SMG5: variants seen among roughly 807,000 people sequenced by gnomAD.
SMG5 encodes nonsense-mediated mRNA decay factor SMG5.
SMG5 carries 53 observed loss-of-function variants against 122.9 expected under a neutral mutation model. That is an observed-to-expected ratio of 0.43 (90% confidence interval 0.35 to 0.54). SMG5 has a LOEUF of 0.54. SMG5 is among the 20% of genes least tolerant of loss of function. The pLI, the probability that SMG5 is intolerant of heterozygous loss-of-function variation, is 0.01. For missense variants in SMG5, 1,153 were observed against 1,285.6 expected (o/e 0.90, Z 1.58); for synonymous variants, 477 against 490.2 (o/e 0.97, Z 0.35).
chr1:156,283,488 CAT>C (rs1396453621), upstream of SMG5, among the ~76,000 whole-genome samples: 1 of 152,026 alleles, frequency 6.6e-6, no homozygotes, highest in Non-Finnish European at 1.5e-5. Context: ...GATAAGGACT[CAT>C]AGAAATGAGA....
chr1:156,264,028 G>A (rs934046281), intron 12 of SMG5, among the ~76,000 whole-genome samples: 1 of 152,102 alleles, frequency 6.6e-6, no homozygotes, highest in African/African-American at 2.4e-5. Flanking sequence ...CCTGCACTTT[G>A]GGAGGCTGAG....
Position 156,274,673 on chromosome 1 carries a change from T to C in SMG5, c.468A>G (p.Pro156=), listed in dbSNP as rs758117256. 1.4e-5 allele frequency: 22 copies of C among 1,613,676 alleles called. No homozygotes were observed. Among genetic ancestry groups the C allele is most frequent in the Non-Finnish European group, 1.8e-5 (21 of 1,179,750 alleles). Residue 156 remains proline (P), a synonymous_variant, in exon 5 of 22, where the codon CCA becomes CCG. Transcript: ENST00000361813. ...VTDPLIGCKK[P]VSASGKEMDW... ...CCATCTCCTTCCCTGAGGCAGACAC[T>C]GGCTTCTTGCATCCTATGAGACAAA...
chr1:156,250,860 G>C lies in SMG5; in HGVS notation c.2965C>G (p.Gln989Glu). 1.2e-6 allele frequency: 2 copies of C among 1,613,872 alleles called. No homozygotes were observed. The part of the protein sequence containing the change: ...DNPSVLSGPM[Q>E]AALQAAAHAS... The stretch of plus-strand genomic sequence containing the variant: ...CCCCCACCTCACCCATGACCCACCT[G>C]CATGGGGCCTGAAAGCACGCTGGGG... Residue 989 changes from glutamine (Q) to glutamate (E), a missense_variant and splice_region_variant, in exon 21 of 22, where the codon CAG becomes GAG. This residue lies in a region of SMG5 where 84 missense variants were observed against 82.3 expected (regional missense o/e 1.02). Transcript: ENST00000361813.
intron 7 of SMG5, among the ~76,000 whole-genome samples, chr1:156,271,566 GTTTTTTTTTT>G (rs755111375): frequency 1.2e-5 from 1 of 82,286 alleles, no homozygotes; most frequent in African/African-American, 4.7e-5. Context: ...CCCTGAAGAG[GTTTTTTTTTT>G]TTTTTTTTTT....
At chr1:156,277,471 C>CTAATTACA (rs1477351597) in intron 3 of SMG5, among the ~76,000 whole-genome samples, 2 of 151,834 alleles carry the variant, frequency 1.3e-5, no homozygotes, top group African/African-American at 4.8e-5. Flanking sequence ...TTCCCTAATC[C>CTAATTACA]TAATTACATC....
At chr1:156,269,835 A>G (rs1037594435) in intron 7 of SMG5, among the ~76,000 whole-genome samples, 3 of 152,288 alleles carry the variant, frequency 2.0e-5, no homozygotes, top group African/African-American at 7.2e-5. Flanking sequence ...AGATCGCGCC[A>G]CTGCACTCCA....
At chr1:156,287,101 C>T (rs1018596584), upstream of SMG5, among the ~76,000 whole-genome samples, 5 of 151,200 alleles carry the variant, frequency 3.3e-5, no homozygotes, top group Middle Eastern at 3.2e-3. Context: ...CTAGCCTGGA[C>T]GACAGAGCTA....
intron 2 of SMG5, among the ~76,000 whole-genome samples, chr1:156,278,647 G>GTC (rs1344846440): frequency 6.6e-6 from 1 of 152,080 alleles, no homozygotes; most frequent in Admixed American, 6.6e-5. Flanking sequence ...GATTACAAAC[G>GTC]TGAGCCACTG....
In SMG5 at chr1:156,249,515, G is replaced by A. The variant is rs1254945046; in HGVS notation, c.*1072C>T. On this transcript the variant is annotated 3_prime_UTR_variant, in exon 22 of 22. Transcript: ENST00000361813. ...GCCTCCCACACACAGCCCTGCTCTTGGTGCGCCATTCACTGCCCTGAGCTA... is the reference window on the plus strand; with the variant it reads ...GCCTCCCACACACAGCCCTGCTCTTAGTGCGCCATTCACTGCCCTGAGCTA... 3 of 356,764 alleles carry A rather than the reference G, an allele frequency of 8.4e-6. No homozygotes were observed. Among genetic ancestry groups the A allele is most frequent in the African/African-American group, 6.4e-5 (3 of 46,632 alleles). 22.1% of individuals were successfully genotyped at this position (356,764 alleles called of 1,614,324 possible). A position where few individuals can be genotyped will look rare whatever the true frequency, so the allele number is the denominator to read the frequency against.
In SMG5 at chr1:156,252,452, C is replaced by A; in HGVS notation, c.2715G>T (p.Gly905=). 1 of 1,614,004 alleles carries A rather than the reference C, an allele frequency of 6.2e-7. No individual in the cohort carries two copies. Among genetic ancestry groups the A allele is most frequent in the Non-Finnish European group, 8.5e-7 (1 of 1,179,996 alleles). The stretch of plus-strand genomic sequence containing the variant: ...TAAACTCTGCCTCCAGGTACCGAAT[C>A]CCATCCCGGGCCCCTGGGTGTTCCT... The part of the protein sequence containing the change: ...LKKEHPGARD[G]IRYLEAEFKK... The change falls in exon 19 of 22, where the codon GGG becomes GGT. Residue 905 remains glycine, a synonymous_variant. Transcript: ENST00000361813.
In SMG5 at chr1:156,250,096, T is replaced by A; in HGVS notation, c.*491A>T. On this transcript the variant is annotated 3_prime_UTR_variant, in exon 22 of 22. Transcript: ENST00000361813. The stretch of plus-strand genomic sequence containing the variant: ...AGGGGGCTGAAAGGAGGATGGGTGA[T>A]CCTTGAGGAGGGGAAGGGTCTGCAG... The A allele has an allele frequency of 2.7e-6, 1 of 377,154 alleles. No individual in the cohort carries two copies. Among genetic ancestry groups the A allele is most frequent in the South Asian group, 2.0e-5 (1 of 49,820 alleles). 23.4% of individuals were successfully genotyped at this position (377,154 alleles called of 1,614,324 possible). A position where few individuals can be genotyped will look rare whatever the true frequency, so the allele number is the denominator to read the frequency against.
At position 156,250,896 on chromosome 1, in the gene SMG5, G is replaced by A; in HGVS notation, c.2929C>T (p.Pro977Ser). Residue 977 changes from proline to serine, a missense_variant, in exon 21 of 22, where the codon CCA becomes TCA. Pro to Ser is a moderately conservative substitution (Grantham distance 74). Coordinates refer to ENST00000361813, the MANE Select transcript of SMG5 (RefSeq NM_015327.3). Reference sequence around the variant, plus strand: ...GAAAGCACGCTGGGGTTGTCCAGTGGAAGGCCTGTGATGATGGTCACCATG... The same window carrying A: ...GAAAGCACGCTGGGGTTGTCCAGTGAAAGGCCTGTGATGATGGTCACCATG... ...SGMVTIITGL[P>S]LDNPSVLSGP... The A allele has an allele frequency of 1.9e-6, 3 of 1,613,986 alleles. No homozygotes were observed. The highest frequency in any genetic ancestry group is 1.3e-5 in the African/African-American group (1 of 75,036).
At chr1:156,251,319 A>G in intron 20 of SMG5, 84 bp downstream of exon 20, 1 of 1,491,204 alleles carries the variant, frequency 6.7e-7, no homozygotes, top group East Asian at 2.3e-5. Flanking sequence ...AGAATTATCC[A>G]GCCCTACCCG....
Position 156,265,746 on chromosome 1 carries a change from C to T in SMG5, c.1855+35G>A, listed in dbSNP as rs760729249. The T allele has an allele frequency of 1.6e-5, 26 of 1,589,892 alleles. No individual in the cohort carries two copies. In the Admixed American group the frequency reaches 2.1e-4, roughly 13 times the overall value. On this transcript the variant is annotated intron_variant, in intron 12 of 21. Coordinates refer to ENST00000361813, the MANE Select transcript of SMG5 (RefSeq NM_015327.3). ...GGTGAGTGTCTATGGCATGGAGGTG[C>T]GGACCAGAACAGGATGATGAAGTGG...
intron 5 of SMG5, among the ~76,000 whole-genome samples, chr1:156,273,722 T>TC (rs1460098169): frequency 5.5e-5 from 8 of 145,070 alleles, no homozygotes; most frequent in East Asian, 2.0e-4. Flanking sequence ...TGTTTTCTTT[T>TC]TTTTTTTTTT....
At chr1:156,271,566 G>GTT (rs755111375) in intron 7 of SMG5, among the ~76,000 whole-genome samples, 2,366 of 82,212 alleles carry the variant, frequency 0.029, 27 homozygotes, top group African/African-American at 0.033. Flanking sequence ...CCCTGAAGAG[G>GTT]TTTTTTTTTT....
At chr1:156,258,580 A>G (rs1044234930) in intron 16 of SMG5, among the ~76,000 whole-genome samples, 3 of 152,132 alleles carry the variant, frequency 2.0e-5, no homozygotes, top group African/African-American at 7.2e-5. Flanking sequence ...GGTGGATCAC[A>G]AGGGCAAGAG....
At chr1:156,286,550 C>A, upstream of SMG5, 2 of 1,480,086 alleles carry the variant, frequency 1.4e-6, no homozygotes, top group South Asian at 2.4e-5. Context: ...TCTGGAGAGC[C>A]AGGGTCAGGA....
intron 5 of SMG5, among the ~76,000 whole-genome samples, chr1:156,274,391 T>C (rs190174163): frequency 1.3e-5 from 2 of 152,146 alleles, no homozygotes; most frequent in Non-Finnish European, 2.9e-5. Flanking sequence ...GAAATTTCCC[T>C]TTTTCCTGTA....
Sources: allele counts gnomAD v4.1 joint callset (sites outside exome capture counted in the v4.1 genomes callset), GRCh38; gene constraint gnomAD v4.1.1; regional missense constraint gnomAD v4.1.1; transcripts MANE v1.5; gene names NCBI Gene and HGNC (gene_info 2026-07-23, HGNC 2026-07-21).